Variants in MACROD2 observed in about 807,000 individuals in gnomAD.
The protein encoded by MACROD2 is ADP-ribose glycohydrolase MACROD2.
A neutral mutation model predicts 70.4 loss-of-function variants in MACROD2; 36 were observed. The observed-to-expected ratio is 0.51, with a 90% CI of 0.39 to 0.68. The LOEUF is 0.68. Among genes scored for constraint, MACROD2 ranks in the 30% least tolerant of loss-of-function variants. The probability of loss-of-function intolerance (pLI) is 0.00; values close to 1 mark genes in which losing one functional copy is unlikely to be tolerated. For missense variants in MACROD2, 496 were observed against 538.4 expected (o/e 0.92, Z 0.78); for synonymous variants, 172 against 178.8 (o/e 0.96, Z 0.30).
chr20:15,627,413 G>C (rs1488468367), intron 8 of MACROD2, among the ~76,000 whole-genome samples: 1 of 152,128 alleles, frequency 6.6e-6, no homozygotes, highest in Non-Finnish European at 1.5e-5. Flanking sequence ...TAATTGACGT[G>C]AGGCTGGCCA....
intron 5 of MACROD2, among the ~76,000 whole-genome samples, chr20:14,862,269 C>A (rs1296493762): frequency 5.4e-3 from 33 of 6,166 alleles, no homozygotes; most frequent in Admixed American, 0.015. Flanking sequence ...AAATATATTA[C>A]TATGTATATT....
chr20:14,617,280 T>C (rs2052208114), intron 4 of MACROD2, among the ~76,000 whole-genome samples: 1 of 152,158 alleles, frequency 6.6e-6, no homozygotes, highest in African/African-American at 2.4e-5. Flanking sequence ...AAGTCATTAG[T>C]GTGTGCTTCC....
At chr20:14,836,326 C>G (rs1172594256) in intron 5 of MACROD2, among the ~76,000 whole-genome samples, 1 of 152,010 alleles carries the variant, frequency 6.6e-6, no homozygotes, top group Non-Finnish European at 1.5e-5. Context: ...TCTTTAGTGA[C>G]TGGTGTCCTG....
chr20:15,029,717 G>A (rs1240030741), intron 5 of MACROD2, among the ~76,000 whole-genome samples: 1 of 152,142 alleles, frequency 6.6e-6, no homozygotes, highest in Non-Finnish European at 1.5e-5. Context: ...TATGCCAAGT[G>A]TATGAAGACA....
chr20:14,492,104 A>G (rs1365449034), intron 3 of MACROD2, among the ~76,000 whole-genome samples: 1 of 152,188 alleles, frequency 6.6e-6, no homozygotes, highest in Non-Finnish European at 1.5e-5. Context: ...AAAAGCTACA[A>G]AGCTGGATTC....
chr20:14,685,131 T>C, intron 5 of MACROD2, 172 bp downstream of exon 5: 1 of 413,344 alleles, frequency 2.4e-6, no homozygotes. Context: ...TCCAAATATA[T>C]ACATATATAT....
At chr20:15,279,784 G>A (rs1409953404) in intron 6 of MACROD2, among the ~76,000 whole-genome samples, 2 of 152,160 alleles carry the variant, frequency 1.3e-5, no homozygotes, top group Non-Finnish European at 2.9e-5. Flanking sequence ...TCTACCGTAT[G>A]CCAGACCCTA....
intron 4 of MACROD2, among the ~76,000 whole-genome samples, chr20:14,531,343 G>A (rs148971031): frequency 2.0e-5 from 3 of 152,280 alleles, no homozygotes; most frequent in African/African-American, 7.2e-5. Context: ...GAAGGTCAGA[G>A]GGATACTGGA....
chr20:15,950,351 G>C (rs1413023055), intron 12 of MACROD2, among the ~76,000 whole-genome samples: 1 of 152,160 alleles, frequency 6.6e-6, no homozygotes, highest in Non-Finnish European at 1.5e-5. Flanking sequence ...GATTCTGACA[G>C]CAGCAGGACT....
intron 8 of MACROD2, among the ~76,000 whole-genome samples, chr20:15,829,295 C>T (rs191181598): frequency 1.3e-5 from 2 of 152,286 alleles, no homozygotes; most frequent in Admixed American, 1.3e-4. Flanking sequence ...TTTTCTCCTT[C>T]TCTCCTATCC....
intron 8 of MACROD2, among the ~76,000 whole-genome samples, chr20:15,719,390 G>A (rs2050752907): frequency 6.6e-6 from 1 of 152,160 alleles, no homozygotes; most frequent in South Asian, 2.1e-4. Context: ...GAACTCCAGA[G>A]TTTTCTTTAC....
chr20:14,862,027 A>ATATT (rs1295498886), intron 5 of MACROD2, among the ~76,000 whole-genome samples: 1 of 13,482 alleles, frequency 7.4e-5, no homozygotes, highest in African/African-American at 2.7e-4. Context: ...ATTTATATAT[A>ATATT]TTTATATATA....
chr20:14,320,888 T>A (rs1032892666), intron 3 of MACROD2, among the ~76,000 whole-genome samples: 1 of 152,168 alleles, frequency 6.6e-6, no homozygotes, highest in African/African-American at 2.4e-5. Context: ...TATGTGCTTT[T>A]CTTTAAATTC....
chr20:15,714,275 A>G (rs2050675504), intron 8 of MACROD2, among the ~76,000 whole-genome samples: 1 of 152,186 alleles, frequency 6.6e-6, no homozygotes, highest in Non-Finnish European at 1.5e-5. Flanking sequence ...CTGAGTAGAG[A>G]AATTCACTGG....
At chr20:14,652,361 C>T (rs1042315781) in intron 4 of MACROD2, among the ~76,000 whole-genome samples, 10 of 152,074 alleles carry the variant, frequency 6.6e-5, no homozygotes, top group African/African-American at 2.2e-4. Flanking sequence ...TTTCTTTTGT[C>T]GAACTGCAGC....
At position 14,095,402 on chromosome 20, in the gene MACROD2, A is replaced by T. The variant is rs530036159; in HGVS notation, c.271+9674A>T. 1.1e-4 allele frequency among the ~76,000 whole-genome samples: 17 copies of T among 152,330 alleles called. No homozygotes were observed. In the East Asian group the frequency reaches 1.4e-3, roughly 12 times the overall value. ...TAGATTAAGTTAGCATATTAATTTT[A>T]TAAATATGATTGGTAAGAGGTATTG... On this transcript the variant is annotated intron_variant, in intron 3 of 17. Coordinates refer to ENST00000684519, the MANE Select transcript of MACROD2 (RefSeq NM_001351661.2).
chr20:14,667,015 C>T (rs2070743295), intron 4 of MACROD2, among the ~76,000 whole-genome samples: 1 of 151,598 alleles, frequency 6.6e-6, no homozygotes, highest in African/African-American at 2.4e-5. Context: ...AACAACAATC[C>T]TGCCTGAAAA....
chr20:14,692,768 G>A (rs1159779615), intron 5 of MACROD2, among the ~76,000 whole-genome samples: 1 of 152,070 alleles, frequency 6.6e-6, no homozygotes, highest in Non-Finnish European at 1.5e-5. Context: ...GAAAGCACAG[G>A]GGCCAAACTT....
At chr20:14,793,154 T>G (rs1042554287) in intron 5 of MACROD2, among the ~76,000 whole-genome samples, 2 of 152,080 alleles carry the variant, frequency 1.3e-5, no homozygotes, top group African/African-American at 4.8e-5. Flanking sequence ...CCATCTGGCA[T>G]TATCTTCTAC....
Sources: gnomAD v4.1 joint callset for allele counts (sites outside exome capture counted in the v4.1 genomes callset) on GRCh38, gnomAD v4.1.1 for gene constraint, MANE v1.5 for transcripts, NCBI Gene and HGNC (gene_info 2026-07-23, HGNC 2026-07-21) for gene names.